The following ZSCAN5A variants were observed in gnomAD, a reference collection of about 807,000 sequenced individuals.
ZSCAN5A encodes zinc finger and SCAN domain-containing protein 5A.
A neutral mutation model predicts 23.7 loss-of-function variants in ZSCAN5A; 12 were observed. The ratio of observed to expected loss-of-function variants is 0.51; its 90% CI spans 0.32 to 0.82. The LOEUF is 0.82. ZSCAN5A is among the 40% of genes least tolerant of loss of function. The pLI, the probability that ZSCAN5A is intolerant of heterozygous loss-of-function variation, is 0.03. For missense variants in ZSCAN5A, 597 were observed against 617.9 expected, an observed-to-expected ratio of 0.97 and a Z score of 0.36; for synonymous variants, 257 against 239.9, an observed-to-expected ratio of 1.07 and a Z score of -0.66.
At chr19:56,293,816 T>A (rs565701475) in intron 2 of ZSCAN5A, among the ~76,000 whole-genome samples, 1 of 152,094 alleles carries the variant, frequency 6.6e-6, no homozygotes, top group African/African-American at 2.4e-5. Context: ...GAGATGTTGC[T>A]ACACATCCTA....
At chr19:56,327,697 A>G (rs1244640521) in intron 2 of ZSCAN5A, among the ~76,000 whole-genome samples, 1 of 151,546 alleles carries the variant, frequency 6.6e-6, no homozygotes, top group Non-Finnish European at 1.5e-5. Context: ...CTATACAAAT[A>G]CTATACAATA....
intron 2 of ZSCAN5A, chr19:56,245,444 G>A (rs757649043): frequency 3.1e-6 from 2 of 639,244 alleles, no homozygotes; most frequent in African/African-American, 1.8e-5. Context: ...GTGAGGCCCT[G>A]GTGTCTGGGC....
chr19:56,346,701 C>CT (rs879461789), intron 2 of ZSCAN5A, among the ~76,000 whole-genome samples: 3 of 151,184 alleles, frequency 2.0e-5, no homozygotes, highest in South Asian at 2.1e-4. Context: ...CTCTCTATTA[C>CT]TTTTTTTTAT....
intron 2 of ZSCAN5A, chr19:56,302,707 C>T (rs1252564268): frequency 4.9e-6 from 1 of 205,304 alleles, no homozygotes; most frequent in African/African-American, 2.5e-5. Flanking sequence ...CCTTCTCTTT[C>T]CTTCTTCCCT....
At position 56,222,646 on chromosome 19, in the gene ZSCAN5A, G is replaced by C. The variant is rs2033393148; in HGVS notation, c.684C>G (p.Asn228Lys). 1.2e-6 allele frequency: 2 copies of C among 1,614,036 alleles called. No homozygotes were observed. The highest frequency in any genetic ancestry group is 1.7e-6 in the Non-Finnish European group (2 of 1,180,046). Residue 228 changes from asparagine (N) to lysine (K), a missense_variant, in exon 5 of 6, where the codon AAC becomes AAG. Physicochemically the swap from Asn to Lys is moderately conservative, Grantham distance 94. This residue lies in a region of ZSCAN5A where 406 missense variants were observed against 353.2 expected (regional missense o/e 1.15). Coordinates refer to ENST00000683990, the MANE Select transcript of ZSCAN5A (RefSeq NM_001322064.3). ...ATGTCAGTCCTGGGTTCTCTTCCCT[G>C]TTTTCCTTCAGATCCTTCTCCAAGG... ...KQTLEKDLKE[N>K]REENPGLTSP... is the part of the protein sequence containing the mutation.
At chr19:56,289,320 G>C (rs749478734) in intron 2 of ZSCAN5A, among the ~76,000 whole-genome samples, 19 of 152,164 alleles carry the variant, frequency 1.2e-4, no homozygotes, top group Non-Finnish European at 2.4e-4. Flanking sequence ...ATGCGAGGGA[G>C]CTTACCCCAT....
At chr19:56,255,807 C>T (rs1487516015) in intron 2 of ZSCAN5A, among the ~76,000 whole-genome samples, 1 of 152,104 alleles carries the variant, frequency 6.6e-6, no homozygotes, top group Non-Finnish European at 1.5e-5. Context: ...CGTTGAGCTG[C>T]TAAACTGGCA....
intron 2 of ZSCAN5A, among the ~76,000 whole-genome samples, chr19:56,278,432 C>G (rs2038431703): frequency 6.6e-6 from 1 of 152,120 alleles, no homozygotes; most frequent in Non-Finnish European, 1.5e-5. Context: ...CCCCGCCCAG[C>G]CACAATGTGC....
At chr19:56,291,680 C>A (rs2039519067) in intron 2 of ZSCAN5A, among the ~76,000 whole-genome samples, 1 of 152,148 alleles carries the variant, frequency 6.6e-6, no homozygotes, top group Non-Finnish European at 1.5e-5. Context: ...TGCTCCTGTT[C>A]TCATCTCTGC....
At chr19:56,241,211 T>A (rs139171037) in intron 2 of ZSCAN5A, among the ~76,000 whole-genome samples, 32 of 152,342 alleles carry the variant, frequency 2.1e-4, no homozygotes, top group African/African-American at 7.7e-4. Context: ...CATTGCTTGC[T>A]TTAATGGGAA....
At chr19:56,250,173 G>A (rs1366483112) in intron 2 of ZSCAN5A, among the ~76,000 whole-genome samples, 2 of 152,202 alleles carry the variant, frequency 1.3e-5, no homozygotes, top group Non-Finnish European at 2.9e-5. Context: ...TTTAAGGCTG[G>A]CTGCTCCTAA....
At chr19:56,227,678 T>A (rs1599998933) in intron 2 of ZSCAN5A, among the ~76,000 whole-genome samples, 1 of 152,312 alleles carries the variant, frequency 6.6e-6, no homozygotes, top group African/African-American at 2.4e-5. Flanking sequence ...TAGCTCAGAT[T>A]CTCATTGGCC....
At chr19:56,345,871 A>G (rs538733828) in intron 2 of ZSCAN5A, among the ~76,000 whole-genome samples, 78 of 152,226 alleles carry the variant, frequency 5.1e-4, no homozygotes, top group Non-Finnish European at 9.1e-4. Flanking sequence ...TTGTTGTGAT[A>G]ACTATTTTAG....
In ZSCAN5A at chr19:56,257,628, T is replaced by C. The variant is rs113575041; in HGVS notation, c.-127-32455A>G. On this transcript the variant is annotated intron_variant, in intron 2 of 5. Coordinates refer to ENST00000683990, the MANE Select transcript of ZSCAN5A (RefSeq NM_001322064.3). ...TGCCCATCTTCTTAGACACAGGCGC[T>C]GGGGGACTCTGGAAGCCTTTCACAC... Among the ~76,000 whole-genome samples the C allele has an allele frequency of 3.0e-3, 307 of 103,654 alleles. 4 individuals are homozygous for C. Among genetic ancestry groups the C allele is most frequent in the African/African-American group, 0.012 (283 of 24,154 alleles). The allele number at this position is 103,654 out of a possible 152,430, so 68.0% of individuals were successfully genotyped here. A position where few individuals can be genotyped will look rare whatever the true frequency, so the allele number is the denominator to read the frequency against.
At chr19:56,299,390 C>G (rs1392168708) in intron 2 of ZSCAN5A, among the ~76,000 whole-genome samples, 3 of 151,912 alleles carry the variant, frequency 2.0e-5, no homozygotes, top group Non-Finnish European at 4.4e-5. Context: ...GCCTCAGATT[C>G]CCAAAGTGCT....
At chr19:56,272,114 T>C (rs1004501040) in intron 2 of ZSCAN5A, among the ~76,000 whole-genome samples, 2 of 152,210 alleles carry the variant, frequency 1.3e-5, no homozygotes, top group Non-Finnish European at 2.9e-5. Flanking sequence ...TCAGGGTACA[T>C]AGCTAGTAAG....
intron 2 of ZSCAN5A, chr19:56,274,587 A>AGCT (rs2038112962): frequency 6.6e-6 from 1 of 152,304 alleles, no homozygotes; most frequent in Admixed American, 6.5e-5. Flanking sequence ...CAGTTATCTC[A>AGCT]GCTGTTAACA....
chr19:56,246,739 G>T lies in ZSCAN5A; in HGVS notation c.-127-21566C>A, dbSNP rs57434500. 2,475 of 1,393,778 alleles carry T rather than the reference G, an allele frequency of 1.8e-3. 31 individuals are homozygous for T. In the East Asian group the frequency reaches 0.035, roughly 20 times the overall value. 86.3% of individuals were successfully genotyped at this position (1,393,778 alleles called of 1,614,324 possible). A position where few individuals can be genotyped will look rare whatever the true frequency, so the allele number is the denominator to read the frequency against. ...GGAATCCCTTCTTCCAGCAGGTGTG[G>T]TGGGAGCAAAGGAGGGGAAGGAACC... On this transcript the variant is annotated intron_variant, in intron 2 of 5. Coordinates refer to ENST00000683990, the MANE Select transcript of ZSCAN5A (RefSeq NM_001322064.3).
intron 2 of ZSCAN5A, among the ~76,000 whole-genome samples, chr19:56,278,648 C>T (rs1460325382): frequency 6.6e-6 from 1 of 152,210 alleles, no homozygotes; most frequent in African/African-American, 2.4e-5. Flanking sequence ...GTTGTGGGGT[C>T]TGCAAGCTGC....
Sources: gnomAD v4.1 joint callset for allele counts (sites outside exome capture counted in the v4.1 genomes callset) on GRCh38, gnomAD v4.1.1 for gene constraint, gnomAD v4.1.1 regional missense constraint, MANE v1.5 for transcripts, NCBI Gene and HGNC (gene_info 2026-07-23, HGNC 2026-07-21) for gene names.